The following NRG3 variants were observed in gnomAD, a reference collection of about 807,000 sequenced individuals.
NRG3 encodes the protein neuregulin 3.
Under a neutral mutation model 66.9 loss-of-function variants are expected in NRG3, and 31 were observed. That is an observed-to-expected ratio of 0.46 (90% CI 0.35 to 0.63). The LOEUF (loss-of-function observed/expected upper bound fraction) is 0.63. NRG3 is among the 20% of genes least tolerant of loss of function. The pLI is 0.00. For synonymous variants in NRG3, 393 were observed against 359.4 expected (o/e 1.09, Z -1.06); for missense variants, 910 against 878.9 (o/e 1.04, Z -0.45).
chr10:82,073,185 A>T (rs1341066363), intron 1 of NRG3, among the ~76,000 whole-genome samples: 1 of 152,170 alleles, frequency 6.6e-6, no homozygotes, highest in Admixed American at 6.5e-5. Context: ...TGATAGAACA[A>T]TGTGTAATGT....
intron 5 of NRG3, among the ~76,000 whole-genome samples, chr10:82,958,050 A>G (rs906070087): frequency 6.6e-6 from 1 of 152,186 alleles, no homozygotes; most frequent in African/African-American, 2.4e-5. Context: ...GACCCAGACA[A>G]CAGTCATTCC....
chr10:82,478,782 G>A (rs1338863190), intron 2 of NRG3, among the ~76,000 whole-genome samples: 3 of 152,262 alleles, frequency 2.0e-5, no homozygotes, highest in Middle Eastern at 3.4e-3. Flanking sequence ...TATATGCCAC[G>A]CCAGTTGAAA....
chr10:82,599,529 A>G (rs1157417429), intron 2 of NRG3, among the ~76,000 whole-genome samples: 1 of 152,200 alleles, frequency 6.6e-6, no homozygotes, highest in Non-Finnish European at 1.5e-5. Context: ...TAAAGAACTA[A>G]TCAGGCCGGG....
In NRG3 at chr10:82,754,148, C is replaced by A. The variant is rs190508646; in HGVS notation, c.1027+15498C>A. 3.3e-5 allele frequency among the ~76,000 whole-genome samples: 5 copies of A among 151,566 alleles called. No individual in the cohort carries two copies. In the South Asian group the frequency reaches 6.3e-4, roughly 19 times the overall value. ...AGCAGCATATTTGTCAGTATTAAAT[C>A]GTATTTATTTATTAATAATGTCATA... On this transcript the variant is annotated intron_variant, in intron 3 of 8. Coordinates refer to ENST00000372141, the MANE Select transcript of NRG3 (RefSeq NM_001010848.4).
At chr10:82,832,177 A>G (rs957197289) in intron 3 of NRG3, among the ~76,000 whole-genome samples, 26 of 152,208 alleles carry the variant, frequency 1.7e-4, no homozygotes, top group African/African-American at 4.8e-4. Flanking sequence ...GAAGAGAACA[A>G]ATTCTGCTAA....
intron 4 of NRG3, among the ~76,000 whole-genome samples, chr10:82,923,237 G>A (rs940714057): frequency 6.6e-6 from 1 of 152,170 alleles, no homozygotes; most frequent in Non-Finnish European, 1.5e-5. Context: ...TTCTACAGAT[G>A]CTGTTTGCTG....
intron 1 of NRG3, among the ~76,000 whole-genome samples, chr10:82,191,395 C>T (rs945615397): frequency 6.6e-6 from 1 of 152,036 alleles, no homozygotes; most frequent in African/African-American, 2.4e-5. Flanking sequence ...GAATCCTTGG[C>T]CAATTATGTA....
chr10:81,986,178 T>C (rs1249007899), intron 1 of NRG3, among the ~76,000 whole-genome samples: 1 of 152,160 alleles, frequency 6.6e-6, no homozygotes, highest in Non-Finnish European at 1.5e-5. Context: ...TGAATAAAAG[T>C]ATTGAGATTT....
At chr10:81,961,310 G>C (rs908018282) in intron 1 of NRG3, among the ~76,000 whole-genome samples, 3 of 152,076 alleles carry the variant, frequency 2.0e-5, no homozygotes. Flanking sequence ...CTGGCTTTGT[G>C]GATATGGTTT....
At chr10:82,366,807 C>T (rs779197145) in intron 2 of NRG3, among the ~76,000 whole-genome samples, 1 of 151,896 alleles carries the variant, frequency 6.6e-6, no homozygotes, top group Non-Finnish European at 1.5e-5. Flanking sequence ...TTTCTTAATT[C>T]TTTCCCAAAA....
intron 1 of NRG3, among the ~76,000 whole-genome samples, chr10:82,333,765 G>A (rs2082254172): frequency 1.3e-5 from 2 of 152,156 alleles, no homozygotes; most frequent in Non-Finnish European, 2.9e-5. Flanking sequence ...TGGAGTCTGA[G>A]TGTCCTTATT....
chr10:82,354,084 G>T (rs1254549899), intron 1 of NRG3, among the ~76,000 whole-genome samples: 2 of 145,518 alleles, frequency 1.4e-5, no homozygotes, highest in South Asian at 2.2e-4. Context: ...AAACAGGCTG[G>T]GGTGCAGTGG....
rs373672353 is a variant in NRG3 at position 81,987,229 on chromosome 10, C to T, written c.823+111066C>T. ...CCTCCCAAGTAGTTGGGACTACAGGCGCACGCCACCACACCCGGATAATTT... is the reference window on the plus strand; with the variant it reads ...CCTCCCAAGTAGTTGGGACTACAGGTGCACGCCACCACACCCGGATAATTT... On this transcript the variant is annotated intron_variant, in intron 1 of 8. Coordinates refer to ENST00000372141, the MANE Select transcript of NRG3 (RefSeq NM_001010848.4). Among the ~76,000 whole-genome samples, 25 of 152,082 alleles carry T rather than the reference C, an allele frequency of 1.6e-4. No homozygotes were observed. The East Asian group carries it at 3.5e-3, about 21-fold the overall frequency.
intron 1 of NRG3, among the ~76,000 whole-genome samples, chr10:82,330,735 TG>T (rs539693613): frequency 1.0e-3 from 157 of 152,314 alleles, no homozygotes; most frequent in African/African-American, 3.8e-3. Flanking sequence ...CTTCCTAAGT[TG>T]GTCAACATAA....
intron 2 of NRG3, among the ~76,000 whole-genome samples, chr10:82,720,218 C>A (rs2134490463): frequency 6.6e-6 from 1 of 152,182 alleles, no homozygotes; most frequent in East Asian, 1.9e-4. Context: ...GGCAAAACCC[C>A]ATCTCTACTA....
chr10:82,171,970 C>A (rs953288165), intron 1 of NRG3, among the ~76,000 whole-genome samples: 1 of 152,040 alleles, frequency 6.6e-6, no homozygotes, highest in East Asian at 1.9e-4. Context: ...TACCAGGATT[C>A]ATTTACATCA....
At chr10:82,729,652 C>A (rs975797304) in intron 2 of NRG3, among the ~76,000 whole-genome samples, 5 of 152,050 alleles carry the variant, frequency 3.3e-5, no homozygotes, top group African/African-American at 7.2e-5. Flanking sequence ...CTATAAAGAC[C>A]AAATGTTTAT....
intron 3 of NRG3, among the ~76,000 whole-genome samples, chr10:82,771,998 C>A (rs2059729195): frequency 6.6e-6 from 1 of 152,164 alleles, no homozygotes; most frequent in South Asian, 2.1e-4. Context: ...TCATTGTCAT[C>A]TCAGTTTAAA....
chr10:82,533,884 G>A (rs1376152974), intron 2 of NRG3, among the ~76,000 whole-genome samples: 1 of 152,016 alleles, frequency 6.6e-6, no homozygotes, highest in Non-Finnish European at 1.5e-5. Context: ...ACAACAAAAT[G>A]TTAGAACTAA....
Sources: gnomAD v4.1 joint callset for allele counts (sites outside exome capture counted in the v4.1 genomes callset) on GRCh38, gnomAD v4.1.1 for gene constraint, MANE v1.5 for transcripts, NCBI Gene and HGNC (gene_info 2026-07-23, HGNC 2026-07-21) for gene names.